Variants in ZMYM1 observed in about 807,000 individuals in gnomAD.
ZMYM1 encodes the protein zinc finger MYM-type containing 1.
A neutral mutation model predicts 60.0 loss-of-function variants in ZMYM1; 39 were observed. That is an observed-to-expected ratio of 0.65 (90% CI 0.50 to 0.85). The LOEUF (loss-of-function observed/expected upper bound fraction) is 0.85. Ranked by LOEUF, ZMYM1 falls within the 40% of genes least tolerant of loss-of-function variation. The pLI is 0.00. For missense variants in ZMYM1, 1,171 were observed against 1,309.5 expected, an observed-to-expected ratio of 0.89 and a Z score of 1.63; for synonymous variants, 413 against 454.0, an observed-to-expected ratio of 0.91 and a Z score of 1.15.
chr1:35,075,479 T>TAAAG, upstream of ZMYM1, among the ~76,000 whole-genome samples: 1 of 152,122 alleles, frequency 6.6e-6, no homozygotes, highest in Non-Finnish European at 1.5e-5. Flanking sequence ...AGCCCCGGAT[T>TAAAG]GGTTTATAGA....
intron 1 of ZMYM1, among the ~76,000 whole-genome samples, chr1:35,067,672 C>T (rs554065997): frequency 1.2e-3 from 182 of 151,780 alleles, no homozygotes; most frequent in Middle Eastern, 3.4e-3. Context: ...GTCGGGAATT[C>T]GAGAGCAGCC....
chr1:35,088,805 C>CTTTTTTTTTTTTTTTTTTTT (rs375136566), intron 1 of ZMYM1, among the ~76,000 whole-genome samples: 1 of 119,614 alleles, frequency 8.4e-6, no homozygotes, highest in Non-Finnish European at 1.6e-5. Flanking sequence ...GGATGCTTTC[C>CTTTTTTTTTTTTTTTTTTTT]TTTTTTTTTT....
chr1:35,087,991 C>T (rs1569895442), intron 1 of ZMYM1, among the ~76,000 whole-genome samples: 1 of 151,730 alleles, frequency 6.6e-6, no homozygotes, highest in Non-Finnish European at 1.5e-5. Context: ...ACCTGGGAGG[C>T]GGAGGTTGCA....
upstream of ZMYM1, among the ~76,000 whole-genome samples, chr1:35,075,748 G>C (rs1042222213): frequency 2.0e-5 from 3 of 152,100 alleles, no homozygotes; most frequent in Admixed American, 2.0e-4. Flanking sequence ...GAGCAAGTGG[G>C]GCTATCTCAT....
At position 35,113,288 on chromosome 1, in the gene ZMYM1, A is replaced by C. The variant is rs780876677; in HGVS notation, c.1458A>C (p.Lys486Asn). ...ATTCATGCCAGTTGTTCTGCCAAAAATATTTTAGCTGTGGAAGAGAGTCAT... is the reference window on the plus strand; with the variant it reads ...ATTCATGCCAGTTGTTCTGCCAAAACTATTTTAGCTGTGGAAGAGAGTCAT... Reference protein sequence around the residue: ...FCYSCQLFCQKYFSCGRESFA... With the variant: ...FCYSCQLFCQNYFSCGRESFA... Residue 486 changes from lysine (K) to asparagine (N), a missense_variant, in exon 10 of 10, where the codon AAA becomes AAC. Lys to Asn is a moderately conservative substitution (Grantham distance 94). Transcript: ENST00000359858. The C allele has an allele frequency of 3.1e-6, 5 of 1,612,468 alleles. No homozygotes were observed. The highest frequency in any genetic ancestry group is 4.2e-6 in the Non-Finnish European group (5 of 1,178,754).
At chr1:35,104,526 G>A (rs1643818156) in intron 5 of ZMYM1, 31 bp from the exon 6 acceptor site, 10 of 1,612,198 alleles carry the variant, frequency 6.2e-6, no homozygotes, top group African/African-American at 1.3e-5. Context: ...AAATATCAGA[G>A]TTTTTACTGA....
In ZMYM1 at chr1:35,114,748, A is replaced by G. The variant is rs2148578691; in HGVS notation, c.2918A>G (p.Asp973Gly). 3.8e-6 allele frequency: 6 copies of G among 1,586,852 alleles called. No homozygotes were observed. The highest frequency in any genetic ancestry group is 1.1e-5 in the South Asian group (1 of 87,022). The change falls in exon 10 of 10, where the codon GAT becomes GGT. Residue 973 changes from aspartate to glycine, a missense_variant. Asp to Gly is a moderately conservative substitution (Grantham distance 94, BLOSUM62 -1). Coordinates refer to ENST00000359858, the MANE Select transcript of ZMYM1 (RefSeq NM_024772.5). Reference protein sequence around the residue: ...YKINIYYQGLDTILQNLKLCF... With the variant: ...YKINIYYQGLGTILQNLKLCF... ...ATTAATATCTATTACCAAGGATTAG[A>G]TACTATATTACAAAATTTAAAGTTA...
Position 35,092,296 on chromosome 1 carries a change from G to T in ZMYM1, c.-74-1618G>T, listed in dbSNP as rs144497144. ...TTCCCAGGCTGGAGTGCAGTGGTGC[G>T]ATCTCAGTTCACTGCAGCCTCCGCC... On this transcript the variant is annotated intron_variant, in intron 1 of 9. Coordinates refer to ENST00000359858, the MANE Select transcript of ZMYM1 (RefSeq NM_024772.5). 5.9e-5 allele frequency among the ~76,000 whole-genome samples: 9 copies of T among 151,524 alleles called. No individual in the cohort carries two copies. The Admixed American group carries it at 5.9e-4, about 10-fold the overall frequency.
At chr1:35,076,758 C>T (rs1569853294), upstream of ZMYM1, among the ~76,000 whole-genome samples, 1 of 152,008 alleles carries the variant, frequency 6.6e-6, no homozygotes, top group Middle Eastern at 3.4e-3. Flanking sequence ...CATGGCGAAA[C>T]CCCATCTCTA....
At chr1:35,085,368 G>T (rs1642602621) in intron 1 of ZMYM1, among the ~76,000 whole-genome samples, 1 of 152,136 alleles carries the variant, frequency 6.6e-6, no homozygotes, top group Non-Finnish European at 1.5e-5. Flanking sequence ...TTTACTTCAT[G>T]CTAGTCTGTT....
At chr1:35,081,776 G>A (rs1642401307) in intron 1 of ZMYM1, among the ~76,000 whole-genome samples, 1 of 151,982 alleles carries the variant, frequency 6.6e-6, no homozygotes, top group Non-Finnish European at 1.5e-5. Flanking sequence ...GCTCACTGTA[G>A]CCTCTGACAC....
At chr1:35,096,970 C>A (rs1168169199) in intron 3 of ZMYM1, among the ~76,000 whole-genome samples, 4 of 152,132 alleles carry the variant, frequency 2.6e-5, no homozygotes, top group Non-Finnish European at 5.9e-5. Context: ...GGATTACAGG[C>A]GTTAGCCACC....
In ZMYM1 at chr1:35,099,638, A is replaced by G. The variant is rs538289018; in HGVS notation, c.419+2072A>G. Among the ~76,000 whole-genome samples, 6 of 152,322 alleles carry G rather than the reference A, an allele frequency of 3.9e-5. No individual in the cohort carries two copies. In the South Asian group the frequency reaches 1.2e-3, roughly 32 times the overall value. The stretch of plus-strand genomic sequence containing the variant: ...TTTTTTCAAAACTTAAAAATTCCAC[A>G]TTAATTAGCCTTTTACATAAATTTT... On this transcript the variant is annotated intron_variant, in intron 4 of 9. Coordinates refer to ENST00000359858, the MANE Select transcript of ZMYM1 (RefSeq NM_024772.5).
At chr1:35,088,438 A>ATG (rs2148502127) in intron 1 of ZMYM1, among the ~76,000 whole-genome samples, 1 of 97,564 alleles carries the variant, frequency 1.0e-5, no homozygotes, top group South Asian at 3.8e-4. Flanking sequence ...TTATGTGTAT[A>ATG]TATATATATA....
At chr1:35,078,537 A>ATTTT (rs751468260), upstream of ZMYM1, among the ~76,000 whole-genome samples, 65 of 82,224 alleles carry the variant, frequency 7.9e-4, 4 homozygotes, top group South Asian at 2.4e-3. Context: ...GGTTATTTTA[A>ATTTT]TTTTTTTTTT....
chr1:35,113,844 G>T lies in ZMYM1; in HGVS notation c.2014G>T (p.Ala672Ser), dbSNP rs371499968. The T allele has an allele frequency of 3.1e-6, 5 of 1,613,538 alleles. No homozygotes were observed. The highest frequency in any genetic ancestry group is 1.3e-5 in the African/African-American group (1 of 74,864). ...AAGATACCCACAAAAATCATCAAAG[G>T]CTATCTTAATTAAGGAAAGATTCTT... ...CVRYPQKSSK[A>S]ILIKERFLGF... Residue 672 changes from alanine to serine, a missense_variant, in exon 10 of 10, where the codon GCT becomes TCT. Ala to Ser is a moderately conservative substitution (Grantham distance 99, BLOSUM62 1). Coordinates refer to ENST00000359858, the MANE Select transcript of ZMYM1 (RefSeq NM_024772.5).
intron 1 of ZMYM1, among the ~76,000 whole-genome samples, chr1:35,063,740 T>G (rs896670935): frequency 6.6e-6 from 1 of 152,182 alleles, no homozygotes; most frequent in African/African-American, 2.4e-5. Flanking sequence ...TCTATCACAA[T>G]ATTACGTGAA....
At chr1:35,063,846 C>T (rs562410892) in intron 1 of ZMYM1, among the ~76,000 whole-genome samples, 1 of 152,300 alleles carries the variant, frequency 6.6e-6, no homozygotes, top group South Asian at 2.1e-4. Context: ...TAGGAAGGAT[C>T]TGTCCGTCTT....
At chr1:35,068,045 C>T (rs144519511) in intron 1 of ZMYM1, among the ~76,000 whole-genome samples, 1 of 152,008 alleles carries the variant, frequency 6.6e-6, no homozygotes, top group African/African-American at 2.4e-5. Flanking sequence ...GCTTGGCCTC[C>T]CAAAGTGCTG....
Sources: gnomAD v4.1 joint callset for allele counts (sites outside exome capture counted in the v4.1 genomes callset) on GRCh38, gnomAD v4.1.1 for gene constraint, MANE v1.5 for transcripts, NCBI Gene and HGNC (gene_info 2026-07-23, HGNC 2026-07-21) for gene names.